The following RALGPS2 variants were observed in gnomAD, a reference collection of about 807,000 sequenced individuals.
RALGPS2 encodes ras-specific guanine nucleotide-releasing factor RalGPS2.
In RALGPS2, 43 loss-of-function variants were observed where a neutral mutation model predicts 86.8. The ratio of observed to expected loss-of-function variants is 0.50; its 90% confidence interval spans 0.39 to 0.64. The LOEUF (loss-of-function observed/expected upper bound fraction) is 0.64. Ranked by LOEUF, RALGPS2 falls within the 30% of genes least tolerant of loss-of-function variation. The probability of loss-of-function intolerance (pLI) is 0.00; values close to 1 mark genes in which losing one functional copy is unlikely to be tolerated. For missense variants in RALGPS2, 536 were observed against 694.6 expected (o/e 0.77, Z 2.57); for synonymous variants, 243 against 231.3 (o/e 1.05, Z -0.46).
At chr1:178,905,534 A>G (rs542599117) in intron 18 of RALGPS2, among the ~76,000 whole-genome samples, 2 of 152,352 alleles carry the variant, frequency 1.3e-5, no homozygotes, top group South Asian at 2.1e-4. Flanking sequence ...CAATTACTTC[A>G]GAAAGTGAAA....
intron 19 of RALGPS2, among the ~76,000 whole-genome samples, chr1:178,911,279 TC>T (rs1660612179): frequency 6.6e-6 from 1 of 152,150 alleles, no homozygotes; most frequent in Non-Finnish European, 1.5e-5. Context: ...TTTGGTTATT[TC>T]TTTTTTTCTG....
chr1:178,756,079 G>C (rs1035290680), intron 1 of RALGPS2, among the ~76,000 whole-genome samples: 7 of 152,262 alleles, frequency 4.6e-5, no homozygotes, highest in Admixed American at 4.6e-4. Context: ...ACCTTTGTCA[G>C]ATGCATAGTT....
At chr1:178,830,897 G>A (rs1162923852) in intron 7 of RALGPS2, among the ~76,000 whole-genome samples, 1 of 151,106 alleles carries the variant, frequency 6.6e-6, no homozygotes, top group Non-Finnish European at 1.5e-5. Context: ...TCTTAACAAC[G>A]AAAAAAGAAA....
At chr1:178,877,473 G>A (rs751930087) in intron 8 of RALGPS2, 25 bp from the exon 9 acceptor site, 13 of 1,609,714 alleles carry the variant, frequency 8.1e-6, no homozygotes, top group South Asian at 3.3e-5. Context: ...CTAAGAAAAC[G>A]TTCATTTATC....
intron 5 of RALGPS2, among the ~76,000 whole-genome samples, chr1:178,810,587 T>C (rs1040982527): frequency 5.3e-5 from 8 of 151,982 alleles, no homozygotes; most frequent in African/African-American, 1.7e-4. Flanking sequence ...TTATTACTTT[T>C]AGTAGCCCAA....
chr1:178,737,049 C>T (rs1056768744), intron 1 of RALGPS2, among the ~76,000 whole-genome samples: 6 of 151,966 alleles, frequency 3.9e-5, no homozygotes, highest in African/African-American at 1.5e-4. Flanking sequence ...TTTACTTTTC[C>T]TTGTTTTATC....
chr1:178,814,319 GC>G (rs1171817630), intron 6 of RALGPS2, among the ~76,000 whole-genome samples: 1 of 152,062 alleles, frequency 6.6e-6, no homozygotes, highest in Non-Finnish European at 1.5e-5. Context: ...CAAATTCTTG[GC>G]TATTATGAGC....
At chr1:178,856,210 T>C (rs1390962426) in intron 8 of RALGPS2, among the ~76,000 whole-genome samples, 1 of 62,764 alleles carries the variant, frequency 1.6e-5, no homozygotes, top group Non-Finnish European at 4.0e-5. Flanking sequence ...GAGATATATA[T>C]ATATATATAT....
At chr1:178,838,801 G>C (rs1180869516) in intron 8 of RALGPS2, among the ~76,000 whole-genome samples, 1 of 152,188 alleles carries the variant, frequency 6.6e-6, no homozygotes, top group Non-Finnish European at 1.5e-5. Context: ...AGAATAACCA[G>C]TGTAGAGAAG....
intron 19 of RALGPS2, among the ~76,000 whole-genome samples, chr1:178,912,068 T>C (rs888067906): frequency 1.7e-4 from 26 of 152,368 alleles, no homozygotes; most frequent in African/African-American, 6.0e-4. Flanking sequence ...TCTTGCTCCT[T>C]ACCTTTACTT....
chr1:178,793,549 T>C (rs1045451267), intron 4 of RALGPS2, among the ~76,000 whole-genome samples: 27 of 151,836 alleles, frequency 1.8e-4, no homozygotes, highest in Admixed American at 5.9e-4. Flanking sequence ...CCGGGAGTCT[T>C]AATAGGTGAT....
Position 178,885,988 on chromosome 1 carries a change from ACAG to A in RALGPS2, c.1064_1066del (p.Ala355del). Reference sequence around the variant, plus strand: ...TTCTAGTTTCATTCATAAAATGAACACAGCAGAATTTAAGAGTGCAACGTTTCC... The same window carrying A: ...TTCTAGTTTCATTCATAAAATGAACACAGAATTTAAGAGTGCAACGTTTCC... On this transcript the variant is annotated inframe_deletion, in exon 13 of 20. Coordinates refer to ENST00000367635, the MANE Select transcript of RALGPS2 (RefSeq NM_152663.5). 1 of 1,597,644 alleles carries A rather than the reference ACAG, an allele frequency of 6.3e-7. No homozygotes were observed. The highest frequency in any genetic ancestry group is 1.4e-5 in the African/African-American group (1 of 74,064).
intron 1 of RALGPS2, among the ~76,000 whole-genome samples, chr1:178,732,639 A>G (rs1217352969): frequency 6.6e-6 from 1 of 152,008 alleles, no homozygotes; most frequent in Non-Finnish European, 1.5e-5. Flanking sequence ...ATATTTCATC[A>G]TTAATTATAA....
intron 8 of RALGPS2, among the ~76,000 whole-genome samples, chr1:178,862,623 TTATTTA>T (rs1658111631): frequency 1.3e-5 from 2 of 151,338 alleles, no homozygotes; most frequent in Admixed American, 6.6e-5. Context: ...ATTTATTTAT[TTATTTA>T]TTTGGTTGGT....
At chr1:178,859,952 C>T (rs1206041931) in intron 8 of RALGPS2, among the ~76,000 whole-genome samples, 4 of 151,728 alleles carry the variant, frequency 2.6e-5, no homozygotes, top group Non-Finnish European at 2.9e-5. Context: ...CTCCTGACCT[C>T]GTGATCCACC....
intron 8 of RALGPS2, chr1:178,852,683 C>A (rs756202340): frequency 1.2e-6 from 2 of 1,610,132 alleles, no homozygotes; most frequent in Admixed American, 3.4e-5. Flanking sequence ...TCATACTTAC[C>A]TGCATACATA....
At chr1:178,755,567 A>G (rs1419149236) in intron 1 of RALGPS2, among the ~76,000 whole-genome samples, 2 of 152,072 alleles carry the variant, frequency 1.3e-5, no homozygotes, top group East Asian at 3.9e-4. Flanking sequence ...CGTGGACCAC[A>G]TTTTCTTTAT....
chr1:178,744,387 G>C (rs1005614735), intron 1 of RALGPS2, among the ~76,000 whole-genome samples: 2 of 152,098 alleles, frequency 1.3e-5, no homozygotes, highest in African/African-American at 4.8e-5. Flanking sequence ...AAAAACTGTA[G>C]GTAGTATCAT....
At chr1:178,791,377 C>T (rs1653949836) in intron 4 of RALGPS2, among the ~76,000 whole-genome samples, 1 of 151,674 alleles carries the variant, frequency 6.6e-6, no homozygotes, top group South Asian at 2.1e-4. Flanking sequence ...GATCCCCCGG[C>T]CTCGGCTTCC....
Sources: gnomAD v4.1 joint callset for allele counts (sites outside exome capture counted in the v4.1 genomes callset) on GRCh38, gnomAD v4.1.1 for gene constraint, MANE v1.5 for transcripts, NCBI Gene and HGNC (gene_info 2026-07-23, HGNC 2026-07-21) for gene names.